Variants in ZNF778 observed in about 807,000 individuals in gnomAD.
The protein encoded by ZNF778 is zinc finger protein 778.
In ZNF778, 37 loss-of-function variants were observed where a neutral mutation model predicts 23.9. The ratio of observed to expected loss-of-function variants is 1.54; its 90% CI spans 1.19 to 2.03. ZNF778 has a LOEUF of 2.03. Ranked by LOEUF, ZNF778 falls within the 30% of genes most tolerant of loss-of-function variation. The pLI, the probability that ZNF778 is intolerant of heterozygous loss-of-function variation, is 0.00. For synonymous variants in ZNF778, 483 were observed against 343.9 expected, an observed-to-expected ratio of 1.40 and a Z score of -4.48; for missense variants, 1,297 against 934.4, an observed-to-expected ratio of 1.39 and a Z score of -5.06.
chr16:89,223,247 G>A lies in ZNF778; in HGVS notation c.208G>A (p.Val70Met). The change falls in exon 4 of 7, where the codon GTG becomes ATG. Residue 70 changes from valine (V) to methionine (M), a missense_variant. Coordinates refer to ENST00000433976, the MANE Select transcript of ZNF778 (RefSeq NM_001201407.2). Reference sequence around the variant, plus strand: ...ATCTCAGAGAGACCTCTACAGAGATGTGATGCTGGAAAACTACGAGAACCT... The same window carrying A: ...ATCTCAGAGAGACCTCTACAGAGATATGATGCTGGAAAACTACGAGAACCT... Reference protein sequence around the residue: ...DPSQRDLYRDVMLENYENLAS... With the variant: ...DPSQRDLYRDMMLENYENLAS... The A allele has an allele frequency of 1.2e-6, 2 of 1,613,858 alleles. No homozygotes were observed. The highest frequency in any genetic ancestry group is 1.7e-6 in the Non-Finnish European group (2 of 1,179,928).
chr16:89,234,082 C>A lies in ZNF778; in HGVS notation c.*5520C>A. 9.8e-6 allele frequency: 6 copies of A among 613,360 alleles called. No homozygotes were observed. Among genetic ancestry groups the A allele is most frequent in the Non-Finnish European group, 1.6e-5 (6 of 370,806 alleles). The allele number at this position is 613,360 out of a possible 1,614,324, so 38.0% of individuals were successfully genotyped here. A position where few individuals can be genotyped will look rare whatever the true frequency, so the allele number is the denominator to read the frequency against. ...GCCCAGCTCTGCAGCTCCCCTTGGGCCCTGCCTGGAGTGATGTGCCGCCTT... is the reference window on the plus strand; with the variant it reads ...GCCCAGCTCTGCAGCTCCCCTTGGGACCTGCCTGGAGTGATGTGCCGCCTT... On this transcript the variant is annotated 3_prime_UTR_variant, in exon 7 of 7. Coordinates refer to ENST00000433976, the MANE Select transcript of ZNF778 (RefSeq NM_001201407.2).
In ZNF778 at chr16:89,227,969, T is replaced by G; in HGVS notation, c.1681T>G (p.Phe561Val). ...GAAAACTCACACAGAGGAGAAGCCC[T>G]TTATATGTACGGTATGCAGGAAATC... ...HVKTHTEEKPFICTVCRKSFR... is the reference protein window; with the variant it reads ...HVKTHTEEKPVICTVCRKSFR... The change falls in exon 7 of 7, where the codon TTT (phenylalanine) becomes GTT (valine). Residue 561 changes from phenylalanine (F) to valine (V), a missense_variant. Physicochemically the swap from Phe to Val is conservative, Grantham distance 50 (BLOSUM62 -1). Coordinates refer to ENST00000433976, the MANE Select transcript of ZNF778 (RefSeq NM_001201407.2). 1 of 1,590,004 alleles carries G rather than the reference T, an allele frequency of 6.3e-7. No homozygotes were observed. The highest frequency in any genetic ancestry group is 8.6e-7 in the Non-Finnish European group (1 of 1,165,152).
At chr16:89,224,554 C>T (rs997198710) in intron 4 of ZNF778, 165 bp from the exon 5 acceptor site, 2 of 530,416 alleles carry the variant, frequency 3.8e-6, no homozygotes, top group Admixed American at 2.7e-5. Flanking sequence ...AGGAGGCAGA[C>T]GTTGCAGTGA....
At position 89,221,252 on chromosome 16, in the gene ZNF778, G is replaced by A. The variant is rs189100828; in HGVS notation, c.25+100G>A. ...GACGGGGCCTGAGTAGTCACGCTCC[G>A]GGTTCCTATTGCAGCTGCTGGAGTG... On this transcript the variant is annotated intron_variant, in intron 2 of 6. Coordinates refer to ENST00000433976, the MANE Select transcript of ZNF778 (RefSeq NM_001201407.2). 4.1e-4 allele frequency: 557 copies of A among 1,364,224 alleles called. 6 individuals are homozygous for A. The Middle Eastern group carries it at 0.017, about 42-fold the overall frequency. The allele number at this position is 1,364,224 out of a possible 1,614,324, so 84.5% of individuals were successfully genotyped here.
chr16:89,227,189 C>G lies in ZNF778; in HGVS notation c.901C>G (p.Gln301Glu), dbSNP rs1231946746. 1.9e-6 allele frequency: 3 copies of G among 1,613,970 alleles called. No homozygotes were observed. The highest frequency in any genetic ancestry group is 1.7e-6 in the Non-Finnish European group (2 of 1,179,876). Reference sequence around the variant, plus strand: ...CACTGCCTACCTTACTGGTCGCGTGCAAGTCCACCCTGGGGAAAAGCCCTG... The same window carrying G: ...CACTGCCTACCTTACTGGTCGCGTGGAAGTCCACCCTGGGGAAAAGCCCTG... ...RYTAYLTGRV[Q>E]VHPGEKPCEL... is the part of the protein sequence containing the mutation. Residue 301 changes from glutamine to glutamate, a missense_variant, in exon 7 of 7, where the codon CAA becomes GAA. Transcript: ENST00000433976.
At chr16:89,226,584 T>A in intron 6 of ZNF778, 110 bp from the exon 7 acceptor site, 1 of 1,002,522 alleles carries the variant, frequency 1.0e-6, no homozygotes, top group Non-Finnish European at 1.4e-6. Context: ...TTGCATGTTA[T>A]GAAAATGGCA....
Position 89,227,167 on chromosome 16 carries a change from T to C in ZNF778, c.879T>C (p.Thr293=). The change falls in exon 7 of 7, where the codon ACT becomes ACC. Residue 293 remains threonine (T), a synonymous_variant. Coordinates refer to ENST00000433976, the MANE Select transcript of ZNF778 (RefSeq NM_001201407.2). ...AATGTGGGAAGGCCTTTAGGTACAC[T>C]GCCTACCTTACTGGTCGCGTGCAAG... ...CRECGKAFRY[T]AYLTGRVQVH... 1 of 1,613,988 alleles carries C rather than the reference T, an allele frequency of 6.2e-7. No individual in the cohort carries two copies.
At position 89,222,117 on chromosome 16, in the gene ZNF778, C is replaced by G. The variant is rs1482783114; in HGVS notation, c.51C>G (p.Val17=). Residue 17 remains valine, a synonymous_variant, in exon 3 of 7, where the codon GTC becomes GTG. Coordinates refer to ENST00000433976, the MANE Select transcript of ZNF778 (RefSeq NM_001201407.2). The part of the protein sequence containing the change: ...AHGGHVSRDS[V]CLHEEQTQAA... ...GAGGTCATGTTTCTAGGGACTCAGT[C>G]TGCCTTCATGAAGAACAGACACAGG... is the stretch of plus-strand genomic sequence containing the variant. The G allele has an allele frequency of 1.2e-6, 2 of 1,602,966 alleles. No homozygotes were observed. Among genetic ancestry groups the G allele is most frequent in the South Asian group, 1.1e-5 (1 of 90,012 alleles).
In ZNF778 at chr16:89,228,065, G is replaced by A. The variant is rs779601350; in HGVS notation, c.1777G>A (p.Asp593Asn). The A allele has an allele frequency of 6.2e-7, 1 of 1,613,064 alleles. No individual in the cohort carries two copies. Among genetic ancestry groups the A allele is most frequent in the South Asian group, 1.1e-5 (1 of 91,034 alleles). The change falls in exon 7 of 7, where the codon GAC becomes AAC. Residue 593 changes from aspartate (D) to asparagine (N), a missense_variant. Asp to Asn is a conservative substitution (Grantham distance 23). Transcript: ENST00000433976. ...TGGAATAAAACCTTATGAATGTAAG[G>A]ACTGTGGGAAAACATTCACTGTTTC... is the stretch of plus-strand genomic sequence containing the variant. ...HTGIKPYECK[D>N]CGKTFTVSSS...
chr16:89,235,269 C>T lies in ZNF778; in HGVS notation c.*6707C>T, dbSNP rs924859217. 5.9e-5 allele frequency: 9 copies of T among 151,590 alleles called. No homozygotes were observed. Among genetic ancestry groups the T allele is most frequent in the African/African-American group, 2.4e-5 (1 of 41,428 alleles). The allele number at this position is 151,590 out of a possible 1,614,324, so 9.4% of individuals were successfully genotyped here. On this transcript the variant is annotated 3_prime_UTR_variant, in exon 7 of 7. Transcript: ENST00000433976. ...GCTCCAGATCGGGGCCTCATGCTGA[C>T]TTCCGTTTTCACACAACGAGTGGGA...
chr16:89,224,770 A>T lies in ZNF778; in HGVS notation c.296A>T (p.Glu99Val). 6.5e-7 allele frequency: 1 copy of T among 1,527,682 alleles called. No homozygotes were observed. Among genetic ancestry groups the T allele is most frequent in the Non-Finnish European group, 8.7e-7 (1 of 1,144,128 alleles). 94.6% of individuals were successfully genotyped at this position (1,527,682 alleles called of 1,614,324 possible). A position where few individuals can be genotyped will look rare whatever the true frequency, so the allele number is the denominator to read the frequency against. Reference sequence around the variant, plus strand: ...ATCTATTGGCTGGAGCAGGAAGAGGAGTTGAGGGCAGGGCGGAGAGCAGTT... The same window carrying T: ...ATCTATTGGCTGGAGCAGGAAGAGGTGTTGAGGGCAGGGCGGAGAGCAGTT... ...SVIYWLEQEE[E>V]LRAGRRAVLQ... The change falls in exon 5 of 7, where the codon GAG becomes GTG. Residue 99 changes from glutamate to valine, a missense_variant. Transcript: ENST00000433976.
intron 3 of ZNF778, among the ~76,000 whole-genome samples, chr16:89,222,790 C>T (rs1412381601): frequency 1.3e-5 from 2 of 152,202 alleles, no homozygotes; most frequent in Admixed American, 6.5e-5. Flanking sequence ...CACGAGTTAC[C>T]ACTTGTTTGT....
chr16:89,233,019 C>T lies in ZNF778; in HGVS notation c.*4457C>T, dbSNP rs566393190. The T allele has an allele frequency of 8.2e-5, 104 of 1,273,878 alleles. 2 individuals are homozygous for T. Among genetic ancestry groups the T allele is most frequent in the Non-Finnish European group, 9.9e-5 (97 of 981,292 alleles). The allele number at this position is 1,273,878 out of a possible 1,614,324, so 78.9% of individuals were successfully genotyped here. On this transcript the variant is annotated 3_prime_UTR_variant, in exon 7 of 7. Coordinates refer to ENST00000433976, the MANE Select transcript of ZNF778 (RefSeq NM_001201407.2). Reference sequence around the variant, plus strand: ...AACCCAGCTCGCTCTGCGTATGCAACTCAAGTCGCACTGCGTATGCAACTC... The same window carrying T: ...AACCCAGCTCGCTCTGCGTATGCAATTCAAGTCGCACTGCGTATGCAACTC...
In ZNF778 at chr16:89,218,216, G is replaced by C. The variant is rs530175687; in HGVS notation, c.-132+306G>C. 3.9e-5 allele frequency: 6 copies of C among 152,332 alleles called. No individual in the cohort carries two copies. In the East Asian group the frequency reaches 9.7e-4, roughly 25 times the overall value. 9.4% of individuals were successfully genotyped at this position (152,332 alleles called of 1,614,324 possible). On this transcript the variant is annotated intron_variant, in intron 1 of 6. Transcript: ENST00000433976. ...GGTGAACAGTGTGTTTCGACTAACT[G>C]TATTTTTTCTCACGTTTTGCTTTAG...
intron 1 of ZNF778, among the ~76,000 whole-genome samples, chr16:89,218,773 A>G (rs1388139911): frequency 6.6e-6 from 1 of 151,982 alleles, no homozygotes; most frequent in East Asian, 1.9e-4. Context: ...CCTGGGCGAC[A>G]GAGCGAGACT....
chr16:89,225,526 G>GT, intron 5 of ZNF778, 29 bp from the exon 6 acceptor site: 2 of 1,504,296 alleles, frequency 1.3e-6, no homozygotes, highest in Non-Finnish European at 1.8e-6. Context: ...GAGTTTGATC[G>GT]TTTTTAGGTC....
chr16:89,224,562 T>C, intron 4 of ZNF778, 157 bp from the exon 5 acceptor site: 1 of 542,220 alleles, frequency 1.8e-6, no homozygotes, highest in Non-Finnish European at 3.4e-6. Flanking sequence ...GACGTTGCAG[T>C]GAGCCGAGAT....
rs1356658482 is a variant in ZNF778 at position 89,224,771 on chromosome 16, G to A, written c.297G>A (p.Glu99=). ...SVIYWLEQEE[E]LRAGRRAVLQ... is the part of the protein sequence containing the mutation. The stretch of plus-strand genomic sequence containing the variant: ...TCTATTGGCTGGAGCAGGAAGAGGA[G>A]TTGAGGGCAGGGCGGAGAGCAGTTC... Residue 99 remains glutamate, a synonymous_variant, in exon 5 of 7, where the codon GAG becomes GAA. Transcript: ENST00000433976. The A allele has an allele frequency of 2.0e-6, 3 of 1,527,508 alleles. No homozygotes were observed. The highest frequency in any genetic ancestry group is 2.5e-5 in the East Asian group (1 of 40,402). 94.6% of individuals were successfully genotyped at this position (1,527,508 alleles called of 1,614,324 possible).
rs769082236 is a variant in ZNF778 at position 89,227,863 on chromosome 16, G to A, written c.1575G>A (p.Arg525=). 3 of 1,611,896 alleles carry A rather than the reference G, an allele frequency of 1.9e-6. No individual in the cohort carries two copies. In the African/African-American group the frequency reaches 4.0e-5, roughly 22 times the overall value. Residue 525 remains arginine, a synonymous_variant, in exon 7 of 7, where the codon CGG becomes CGA. Transcript: ENST00000433976. The part of the protein sequence containing the change: ...TGRSGLTKHM[R]THTGEKPYEC... ...GCTCAGGCCTCACTAAACACATGCG[G>A]ACACACACCGGGGAGAAGCCCTATG...
Sources: gnomAD v4.1 joint callset for allele counts (sites outside exome capture counted in the v4.1 genomes callset) on GRCh38, gnomAD v4.1.1 for gene constraint, MANE v1.5 for transcripts, NCBI Gene and HGNC (gene_info 2026-07-23, HGNC 2026-07-21) for gene names.